INAVA: variants seen among roughly 807,000 people sequenced by gnomAD.
The protein encoded by INAVA is innate immunity activator protein.
INAVA carries 32 observed loss-of-function variants against 55.3 expected under a neutral mutation model. That is an observed-to-expected ratio of 0.58 (90% CI 0.44 to 0.78). INAVA has a LOEUF of 0.78. Among genes scored for constraint, INAVA ranks in the 30% least tolerant of loss-of-function variants. The probability of loss-of-function intolerance (pLI) is 0.00; values close to 1 mark genes in which losing one functional copy is unlikely to be tolerated. For missense variants in INAVA, 756 were observed against 786.4 expected, an observed-to-expected ratio of 0.96 and a Z score of 0.46; for synonymous variants, 294 against 329.4, an observed-to-expected ratio of 0.89 and a Z score of 1.16.
rs1653851817 is a variant in INAVA at position 200,913,984 on chromosome 1, G to A, written c.*355G>A. On this transcript the variant is annotated 3_prime_UTR_variant, in exon 10 of 10. Coordinates refer to ENST00000413687, the MANE Select transcript of INAVA (RefSeq NM_001142569.3). ...CACCTTGGGAGTTCTCCAACGCTCT[G>A]TGCTCTGGTTCTAAGAAATTCCCTG... The A allele has an allele frequency of 4.6e-6, 1 of 215,470 alleles. No individual in the cohort carries two copies. Among genetic ancestry groups the A allele is most frequent in the Admixed American group, 5.2e-5 (1 of 19,100 alleles). 13.3% of individuals were successfully genotyped at this position (215,470 alleles called of 1,614,324 possible).
intron 1 of INAVA, among the ~76,000 whole-genome samples, chr1:200,896,944 C>G (rs1388022008): frequency 6.6e-6 from 1 of 152,254 alleles, no homozygotes; most frequent in Non-Finnish European, 1.5e-5. Context: ...TGGGCTGACT[C>G]AGTGAGGAGG....
At chr1:200,902,544 A>T (rs1187287914) in intron 5 of INAVA, among the ~76,000 whole-genome samples, 1 of 152,246 alleles carries the variant, frequency 6.6e-6, no homozygotes, top group Non-Finnish European at 1.5e-5. Context: ...CAACACTCCC[A>T]GTCTCTGAGG....
At position 200,900,128 on chromosome 1, in the gene INAVA, G is replaced by A. The variant is rs867306525; in HGVS notation, c.205G>A (p.Glu69Lys). The change falls in exon 4 of 10, where the codon GAG (glutamate) becomes AAG (lysine). Residue 69 changes from glutamate (E) to lysine (K), a missense_variant. Physicochemically the swap from Glu to Lys is moderately conservative, Grantham distance 56 (BLOSUM62 1). Coordinates refer to ENST00000413687, the MANE Select transcript of INAVA (RefSeq NM_001142569.3). ...EAELTGTLPAEYPLKPGEKAP... is the reference protein window; with the variant it reads ...EAELTGTLPAKYPLKPGEKAP... Reference sequence around the variant, plus strand: ...GGAGCTGACGGGCACCTTGCCAGCGGAGTATCCCCTCAAACCAGGGGAAAA... The same window carrying A: ...GGAGCTGACGGGCACCTTGCCAGCGAAGTATCCCCTCAAACCAGGGGAAAA... The A allele has an allele frequency of 3.7e-6, 6 of 1,613,738 alleles. No individual in the cohort carries two copies. Among genetic ancestry groups the A allele is most frequent in the Non-Finnish European group, 5.1e-6 (6 of 1,179,778 alleles).
In INAVA at chr1:200,900,219, A is replaced by G. The variant is rs765966071; in HGVS notation, c.296A>G (p.Glu99Gly). The G allele has an allele frequency of 1.4e-5, 22 of 1,613,368 alleles. No homozygotes were observed. The African/African-American group carries it at 2.7e-4, about 20-fold the overall frequency. ...CTGGATGACTGGGCCTTGCACAGAGAGGTGAGGAACCTCAGGAAGCTGCCA... is the reference window on the plus strand; with the variant it reads ...CTGGATGACTGGGCCTTGCACAGAGGGGTGAGGAACCTCAGGAAGCTGCCA... ...YKLDDWALHR[E>G]DPLSSLERQL... The change falls in exon 4 of 10, where the codon GAG becomes GGG. Residue 99 changes from glutamate to glycine, a missense_variant and splice_region_variant. Coordinates refer to ENST00000413687, the MANE Select transcript of INAVA (RefSeq NM_001142569.3).
chr1:200,913,115 C>T (rs1653817488), intron 9 of INAVA, among the ~76,000 whole-genome samples: 1 of 152,306 alleles, frequency 6.6e-6, no homozygotes, highest in South Asian at 2.1e-4. Context: ...ACCCACGGTT[C>T]TTTGGACTGC....
rs979987230 is a variant in INAVA at position 200,900,933 on chromosome 1, T to C, written c.298-4T>C. On this transcript the variant is annotated splice_polypyrimidine_tract_variant and splice_region_variant and intron_variant, in intron 4 of 9. Coordinates refer to ENST00000413687, the MANE Select transcript of INAVA (RefSeq NM_001142569.3). ...TCTAGCCTCACTCCTGCCCCCTCTC[T>C]CAGGACCCCCTAAGCAGCCTGGAGC... 3.9e-6 allele frequency: 6 copies of C among 1,541,346 alleles called. No homozygotes were observed. The highest frequency in any genetic ancestry group is 5.3e-6 in the Non-Finnish European group (6 of 1,140,320).
At chr1:200,891,624 A>G (rs1381447115), upstream of INAVA, 2 of 1,537,128 alleles carry the variant, frequency 1.3e-6, no homozygotes, top group Admixed American at 2.0e-5. Context: ...GATGGCCTGG[A>G]CAAACAGGTC....
intron 7 of INAVA, 95 bp from the exon 8 acceptor site, chr1:200,909,129 G>T: frequency 7.1e-7 from 1 of 1,411,794 alleles, no homozygotes. Context: ...TACTAACTTT[G>T]GGAGCCCCTT....
At position 200,908,893 on chromosome 1, in the gene INAVA, C is replaced by G. The variant is rs1280728493; in HGVS notation, c.738C>G (p.His246Gln). ...CCTGGAAGGAAACCAGCCTGGACCA[C>G]CCCTATGAGAAGCCCAGGAAGTCTT... ...NSPWKETSLDHPYEKPRKSSE... is the reference protein window; with the variant it reads ...NSPWKETSLDQPYEKPRKSSE... The change falls in exon 7 of 10, where the codon CAC becomes CAG. Residue 246 changes from histidine to glutamine, a missense_variant. Physicochemically the swap from His to Gln is conservative, Grantham distance 24. Transcript: ENST00000413687. 1.2e-6 allele frequency: 2 copies of G among 1,613,802 alleles called. No individual in the cohort carries two copies. Among genetic ancestry groups the G allele is most frequent in the African/African-American group, 2.7e-5 (2 of 74,914 alleles).
chr1:200,908,495 A>G, intron 6 of INAVA: 1 of 432,306 alleles, frequency 2.3e-6, no homozygotes, highest in Non-Finnish European at 4.1e-6. Context: ...CAAGAGAGTC[A>G]ATCTGGGAGG....
rs1443535896 is a variant in INAVA at position 200,907,729 on chromosome 1, T to C, written c.521-105T>C. Reference sequence around the variant, plus strand: ...GGGTATTTCCTCATAACTGATGCTGTCCTGGGGGAGTGATCAGGCCTGAGC... The same window carrying C: ...GGGTATTTCCTCATAACTGATGCTGCCCTGGGGGAGTGATCAGGCCTGAGC... On this transcript the variant is annotated intron_variant, in intron 5 of 9. Coordinates refer to ENST00000413687, the MANE Select transcript of INAVA (RefSeq NM_001142569.3). 4.9e-6 allele frequency: 4 copies of C among 818,944 alleles called. No homozygotes were observed. In the African/African-American group the frequency reaches 6.7e-5, roughly 14 times the overall value. The allele number at this position is 818,944 out of a possible 1,614,324, so 50.7% of individuals were successfully genotyped here. A position where few individuals can be genotyped will look rare whatever the true frequency, so the allele number is the denominator to read the frequency against.
chr1:200,899,527 A>G lies in INAVA; in HGVS notation c.110A>G (p.Gln37Arg), dbSNP rs1186975083. The change falls in exon 3 of 10, where the codon CAG (glutamine) becomes CGG (arginine). Residue 37 changes from glutamine (Q) to arginine (R), a missense_variant. Gln to Arg is a conservative substitution (Grantham distance 43). Around this residue, in one of 2 missense-constraint regions of INAVA, gnomAD observed 639 missense variants for 624.3 expected, o/e 1.02. Coordinates refer to ENST00000413687, the MANE Select transcript of INAVA (RefSeq NM_001142569.3). ...GAGCTGACCCATGCAGTGCACAAGC[A>G]GCAGAGGGCCCTGGAAGCGAGGCTG... ...MKELTHAVHK[Q>R]QRALEARLEA... 1 of 1,614,018 alleles carries G rather than the reference A, an allele frequency of 6.2e-7. No individual in the cohort carries two copies. The highest frequency in any genetic ancestry group is 1.1e-5 in the South Asian group (1 of 91,082).
chr1:200,913,810 A>G lies in INAVA; in HGVS notation c.*181A>G. 1.7e-6 allele frequency: 1 copy of G among 591,058 alleles called. No homozygotes were observed. Among genetic ancestry groups the G allele is most frequent in the Non-Finnish European group, 3.0e-6 (1 of 332,012 alleles). 36.6% of individuals were successfully genotyped at this position (591,058 alleles called of 1,614,324 possible). On this transcript the variant is annotated 3_prime_UTR_variant, in exon 10 of 10. Coordinates refer to ENST00000413687, the MANE Select transcript of INAVA (RefSeq NM_001142569.3). ...GAAGCCCTGACCTAAGGATTTATAT[A>G]TGTGGATTGTCCTCAATACCCCTGT...
intron 9 of INAVA, 127 bp downstream of exon 9, chr1:200,912,264 C>T (rs10800746): frequency 0.31 from 289,349 of 931,772 alleles, 47,603 homozygotes; most frequent in South Asian, 0.46. Flanking sequence ...GGGTAATCCC[C>T]GTCTAGGAAG....
At chr1:200,895,159 C>G (rs566692722) in intron 1 of INAVA, 72 bp downstream of exon 1, 3 of 977,584 alleles carry the variant, frequency 3.1e-6, no homozygotes, top group Non-Finnish European at 3.6e-6. Flanking sequence ...GGAGCCCAAG[C>G]AGTGGCCATC....
chr1:200,897,775 G>A (rs1571859802), intron 1 of INAVA, among the ~76,000 whole-genome samples: 1 of 152,082 alleles, frequency 6.6e-6, no homozygotes, highest in Admixed American at 6.5e-5. Flanking sequence ...GACTACAGGT[G>A]CACACCACTA....
chr1:200,891,784 A>G (rs993821621), upstream of INAVA: 218 of 1,046,000 alleles, frequency 2.1e-4, 1 homozygote, highest in Middle Eastern at 1.0e-3. Context: ...CTTCAGCCTT[A>G]GCGGAGGGTG....
chr1:200,906,036 G>A (rs950036566), intron 5 of INAVA, among the ~76,000 whole-genome samples: 4 of 152,204 alleles, frequency 2.6e-5, no homozygotes, highest in Admixed American at 6.5e-5. Flanking sequence ...TCACTTGCAG[G>A]TGATAATATC....
At chr1:200,910,928 C>T (rs1653685735) in intron 8 of INAVA, among the ~76,000 whole-genome samples, 1 of 152,166 alleles carries the variant, frequency 6.6e-6, no homozygotes, top group African/African-American at 2.4e-5. Flanking sequence ...ACAGCTTTTA[C>T]ACGTTCAAGT....
Sources: allele counts gnomAD v4.1 joint callset (sites outside exome capture counted in the v4.1 genomes callset), GRCh38; gene constraint gnomAD v4.1.1; regional missense constraint gnomAD v4.1.1; transcripts MANE v1.5; gene names NCBI Gene and HGNC (gene_info 2026-07-23, HGNC 2026-07-21).